CDH12: variants seen among roughly 807,000 people sequenced by gnomAD.
CDH12 encodes cadherin 12.
CDH12 carries 41 observed loss-of-function variants against 74.1 expected under a neutral mutation model. That is an observed-to-expected ratio of 0.55 (90% CI 0.43 to 0.72). The LOEUF (loss-of-function observed/expected upper bound fraction) is 0.72. Ranked by LOEUF, CDH12 falls within the 30% of genes least tolerant of loss-of-function variation. The pLI, the probability that CDH12 is intolerant of heterozygous loss-of-function variation, is 0.00. For synonymous variants in CDH12, 399 were observed against 355.0 expected (o/e 1.12, Z -1.39); for missense variants, 945 against 977.2 (o/e 0.97, Z 0.44).
intron 3 of CDH12, among the ~76,000 whole-genome samples, chr5:22,404,233 C>T (rs754501029): frequency 6.6e-6 from 1 of 151,736 alleles, no homozygotes; most frequent in Non-Finnish European, 1.5e-5. Context: ...AATCTAAACC[C>T]CTCATTTTGA....
chr5:22,526,318 G>C (rs1332283287), intron 1 of CDH12, among the ~76,000 whole-genome samples: 2 of 152,112 alleles, frequency 1.3e-5, no homozygotes, highest in African/African-American at 4.8e-5. Context: ...GTCATCAATG[G>C]TAATAGACCA....
intron 1 of CDH12, among the ~76,000 whole-genome samples, chr5:22,802,267 G>T (rs1023756602): frequency 1.3e-5 from 2 of 151,426 alleles, no homozygotes; most frequent in Non-Finnish European, 2.9e-5. Context: ...GACTACAGGC[G>T]CCCGCCACCA....
chr5:22,715,552 C>T lies in CDH12; in HGVS notation c.-523+137506G>A, dbSNP rs559727161. ...GCACAATAGCAAATACATAGAAATA[C>T]ATGCATATTTGGGAGGCCAAGGCGG... On this transcript the variant is annotated intron_variant, in intron 1 of 14. Coordinates refer to ENST00000382254, the MANE Select transcript of CDH12 (RefSeq NM_004061.5). 5.3e-5 allele frequency among the ~76,000 whole-genome samples: 8 copies of T among 152,196 alleles called. No individual in the cohort carries two copies. In the South Asian group the frequency reaches 1.5e-3, roughly 28 times the overall value.
chr5:22,586,575 A>G (rs1162893316), intron 1 of CDH12, among the ~76,000 whole-genome samples: 1 of 151,338 alleles, frequency 6.6e-6, no homozygotes, highest in Non-Finnish European at 1.5e-5. Context: ...AATTATTGAA[A>G]ATCAAATGAT....
intron 1 of CDH12, among the ~76,000 whole-genome samples, chr5:22,778,638 T>A (rs890482026): frequency 2.6e-5 from 4 of 152,176 alleles, no homozygotes; most frequent in African/African-American, 9.6e-5. Flanking sequence ...TAAATTTCTC[T>A]TATTTCTATT....
intron 1 of CDH12, among the ~76,000 whole-genome samples, chr5:22,633,522 T>G (rs984046135): frequency 3.3e-5 from 5 of 152,198 alleles, no homozygotes; most frequent in Admixed American, 2.6e-4. Flanking sequence ...TAGAGGACAC[T>G]AACATTTGAA....
Position 22,849,033 on chromosome 5 carries a change from C to T in CDH12, c.-523+4025G>A, listed in dbSNP as rs1435960164. Among the ~76,000 whole-genome samples the T allele has an allele frequency of 4.0e-5, 6 of 151,822 alleles. No individual in the cohort carries two copies. In the East Asian group the frequency reaches 5.8e-4, roughly 15 times the overall value. On this transcript the variant is annotated intron_variant, in intron 1 of 14. Coordinates refer to ENST00000382254, the MANE Select transcript of CDH12 (RefSeq NM_004061.5). ...CACTTGGGAACCCCTTTTACCCCAACGTGACAAAATTCAACACATAACAAA... is the reference window on the plus strand; with the variant it reads ...CACTTGGGAACCCCTTTTACCCCAATGTGACAAAATTCAACACATAACAAA...
At chr5:22,770,191 C>G (rs1746735292) in intron 1 of CDH12, among the ~76,000 whole-genome samples, 2 of 151,792 alleles carry the variant, frequency 1.3e-5, no homozygotes, top group South Asian at 4.1e-4. Context: ...TTTTCTTCAA[C>G]TGATAAACAG....
intron 3 of CDH12, among the ~76,000 whole-genome samples, chr5:22,243,909 G>A (rs1221448537): frequency 6.6e-6 from 1 of 152,098 alleles, no homozygotes; most frequent in East Asian, 1.9e-4. Context: ...AGTCACATGT[G>A]AGCAGCAAAA....
At chr5:21,787,602 C>A (rs1462225992) in intron 10 of CDH12, among the ~76,000 whole-genome samples, 2 of 152,034 alleles carry the variant, frequency 1.3e-5, no homozygotes, top group Non-Finnish European at 2.9e-5. Context: ...ACCAAACCTG[C>A]AATATATCCA....
intron 1 of CDH12, among the ~76,000 whole-genome samples, chr5:22,547,590 A>G (rs903412470): frequency 6.6e-6 from 1 of 152,196 alleles, no homozygotes; most frequent in African/African-American, 2.4e-5. Context: ...TAAAATTAAA[A>G]TGTACAGTAA....
intron 1 of CDH12, among the ~76,000 whole-genome samples, chr5:22,527,386 G>A (rs1737334798): frequency 1.3e-5 from 2 of 152,000 alleles, no homozygotes; most frequent in Admixed American, 1.3e-4. Context: ...AAACTTTGCT[G>A]CTTTTAAAGT....
chr5:21,982,140 C>G (rs1329634174), intron 5 of CDH12, among the ~76,000 whole-genome samples: 2 of 152,228 alleles, frequency 1.3e-5, no homozygotes, highest in African/African-American at 4.8e-5. Flanking sequence ...AGATTGCCTT[C>G]CCTAATGTGG....
At chr5:22,444,242 A>G (rs1171264699) in intron 2 of CDH12, among the ~76,000 whole-genome samples, 1 of 152,110 alleles carries the variant, frequency 6.6e-6, no homozygotes, top group Non-Finnish European at 1.5e-5. Context: ...GTGAATATAC[A>G]TGCACACACA....
Position 22,270,602 on chromosome 5 carries a change from A to T in CDH12, c.-332-57959T>A, listed in dbSNP as rs1474354386. Among the ~76,000 whole-genome samples the T allele has an allele frequency of 3.9e-5, 5 of 128,666 alleles. No individual in the cohort carries two copies. In the South Asian group the frequency reaches 1.3e-3, roughly 32 times the overall value. The allele number at this position is 128,666 out of a possible 152,430, so 84.4% of individuals were successfully genotyped here. A position where few individuals can be genotyped will look rare whatever the true frequency, so the allele number is the denominator to read the frequency against. On this transcript the variant is annotated intron_variant, in intron 3 of 14. Transcript: ENST00000382254. ...AGGGTGAGACACCGTCTCAAAAAAA[A>T]AAATATATATATATATATGTATACA...
intron 3 of CDH12, among the ~76,000 whole-genome samples, chr5:22,258,584 C>A (rs1561261780): frequency 6.6e-6 from 1 of 151,932 alleles, no homozygotes; most frequent in African/African-American, 2.4e-5. Flanking sequence ...CACATTCACT[C>A]ACCACTCATT....
chr5:21,845,571 T>C (rs78191014), intron 7 of CDH12, among the ~76,000 whole-genome samples: 1 of 151,734 alleles, frequency 6.6e-6, no homozygotes, highest in Non-Finnish European at 1.5e-5. Flanking sequence ...TTTTTTTTTT[T>C]TCATGAAGCC....
chr5:22,692,590 T>G (rs901722274), intron 1 of CDH12, among the ~76,000 whole-genome samples: 1 of 152,188 alleles, frequency 6.6e-6, no homozygotes, highest in Non-Finnish European at 1.5e-5. Context: ...TAGTTCTTCC[T>G]TGGGCTACAA....
chr5:22,428,234 CTA>C (rs1744024723), intron 2 of CDH12, among the ~76,000 whole-genome samples: 1 of 151,062 alleles, frequency 6.6e-6, no homozygotes, highest in Non-Finnish European at 1.5e-5. Flanking sequence ...CACACACAAT[CTA>C]TGTGCATATA....
Sources: allele counts gnomAD v4.1 joint callset (sites outside exome capture counted in the v4.1 genomes callset), GRCh38; gene constraint gnomAD v4.1.1; transcripts MANE v1.5; gene names NCBI Gene and HGNC (gene_info 2026-07-23, HGNC 2026-07-21).